The following DLG2 variants were observed in gnomAD, a reference collection of about 807,000 sequenced individuals.
The protein encoded by DLG2 is discs large MAGUK scaffold protein 2, also known as disks large homolog 2.
In DLG2, 45 loss-of-function variants were observed where a neutral mutation model predicts 132.5. That is an observed-to-expected ratio of 0.34 (90% CI 0.27 to 0.44). The LOEUF (loss-of-function observed/expected upper bound fraction) is 0.44. DLG2 is among the 20% of genes least tolerant of loss of function. The pLI is 1.00. For synonymous variants in DLG2, 424 were observed against 419.6 expected, an observed-to-expected ratio of 1.01 and a Z score of -0.13; for missense variants, 1,045 against 1,196.9, an observed-to-expected ratio of 0.87 and a Z score of 1.87.
chr11:84,135,662 G>A (rs1356578287), intron 9 of DLG2, among the ~76,000 whole-genome samples: 4 of 152,194 alleles, frequency 2.6e-5, no homozygotes, highest in Middle Eastern at 3.4e-3. Context: ...AAAATTCCAC[G>A]TCATGCCGTG....
intron 6 of DLG2, among the ~76,000 whole-genome samples, chr11:84,671,045 G>A (rs958465072): frequency 2.0e-5 from 3 of 151,842 alleles, no homozygotes; most frequent in Non-Finnish European, 4.4e-5. Context: ...GGTTACATCC[G>A]GCAGCCTTGT....
At position 83,868,389 on chromosome 11, in the gene DLG2, C is replaced by T. The variant is rs115770643; in HGVS notation, c.1565+6031G>A. The stretch of plus-strand genomic sequence containing the variant: ...TTGGGGGGAGCAGTTTGATTTCTTC[C>T]GATCATTTCTAAAAATCAAATGGGT... On this transcript the variant is annotated intron_variant, in intron 16 of 27. Transcript: ENST00000376104. 2.1e-3 allele frequency among the ~76,000 whole-genome samples: 320 copies of T among 152,114 alleles called. 3 individuals are homozygous for T. Among genetic ancestry groups the T allele is most frequent in the African/African-American group, 7.1e-3 (293 of 41,488 alleles).
intron 14 of DLG2, among the ~76,000 whole-genome samples, chr11:83,962,538 G>T (rs1341441140): frequency 6.6e-6 from 1 of 152,002 alleles, no homozygotes; most frequent in Non-Finnish European, 1.5e-5. Context: ...ATATTGGCAT[G>T]CTACTTCCTT....
At chr11:85,407,584 T>G (rs920075332) in intron 3 of DLG2, among the ~76,000 whole-genome samples, 6 of 151,840 alleles carry the variant, frequency 4.0e-5, no homozygotes, top group Non-Finnish European at 1.5e-5. Flanking sequence ...AATTTGCTTA[T>G]TAGGGAAGAA....
In DLG2 at chr11:84,418,646, T is replaced by G. The variant is rs563056401; in HGVS notation, c.519+115924A>C. Reference sequence around the variant, plus strand: ...TCTACCTTCTGTTCATGCAATTAGGTGCTGCTACCTCCTTACTACAGCATG... The same window carrying G: ...TCTACCTTCTGTTCATGCAATTAGGGGCTGCTACCTCCTTACTACAGCATG... On this transcript the variant is annotated intron_variant, in intron 7 of 27. Transcript: ENST00000376104. Among the ~76,000 whole-genome samples, 5 of 152,298 alleles carry G rather than the reference T, an allele frequency of 3.3e-5. No homozygotes were observed. The South Asian group carries it at 8.3e-4, about 25-fold the overall frequency.
intron 17 of DLG2, 29 bp from the exon 18 acceptor site, chr11:83,786,821 G>A: frequency 2.5e-6 from 4 of 1,603,130 alleles, no homozygotes; most frequent in Non-Finnish European, 3.4e-6. Flanking sequence ...GAGAATCTTG[G>A]TATTTCATAA....
intron 7 of DLG2, among the ~76,000 whole-genome samples, chr11:84,313,709 A>C (rs1440108710): frequency 7.0e-6 from 1 of 143,478 alleles, no homozygotes; most frequent in Non-Finnish European, 1.6e-5. Flanking sequence ...ATACGAAAGG[A>C]AAGGAAGAAA....
At chr11:83,653,746 G>A (rs1157219190) in intron 18 of DLG2, among the ~76,000 whole-genome samples, 4 of 151,708 alleles carry the variant, frequency 2.6e-5, no homozygotes, top group Admixed American at 6.6e-5. Context: ...TTTTTTAGAT[G>A]GAGTCTTGCT....
intron 7 of DLG2, among the ~76,000 whole-genome samples, chr11:84,416,274 G>C (rs1346563147): frequency 2.0e-5 from 3 of 152,158 alleles, no homozygotes; most frequent in Non-Finnish European, 4.4e-5. Flanking sequence ...TGCTTCTTAA[G>C]AATTTCCCCA....
intron 6 of DLG2, among the ~76,000 whole-genome samples, chr11:85,071,654 T>C (rs1160111724): frequency 6.6e-6 from 1 of 151,776 alleles, no homozygotes; most frequent in Non-Finnish European, 1.5e-5. Context: ...AGAATTTATA[T>C]GTTTCCACTA....
chr11:85,194,104 T>C (rs895568884), intron 4 of DLG2, among the ~76,000 whole-genome samples: 3 of 152,206 alleles, frequency 2.0e-5, no homozygotes, highest in Admixed American at 6.5e-5. Context: ...AGAGGAGTGT[T>C]TAACATGGGC....
intron 18 of DLG2, among the ~76,000 whole-genome samples, chr11:83,635,497 C>T (rs886961470): frequency 2.0e-5 from 3 of 152,030 alleles, no homozygotes; most frequent in Non-Finnish European, 2.9e-5. Context: ...GTCTCTTCTG[C>T]CTTCCCTTAC....
At chr11:84,064,707 G>GA (rs1368867261) in intron 10 of DLG2, among the ~76,000 whole-genome samples, 2 of 152,032 alleles carry the variant, frequency 1.3e-5, no homozygotes, top group African/African-American at 4.8e-5. Flanking sequence ...TATAGTGAGG[G>GA]AAAAATACTA....
intron 18 of DLG2, among the ~76,000 whole-genome samples, chr11:83,761,199 C>T (rs1269515266): frequency 6.6e-6 from 1 of 152,136 alleles, no homozygotes; most frequent in African/African-American, 2.4e-5. Flanking sequence ...TTGCTGGATT[C>T]CTCACTGCAG....
chr11:85,455,287 T>C (rs1316944231), intron 3 of DLG2, among the ~76,000 whole-genome samples: 1 of 152,192 alleles, frequency 6.6e-6, no homozygotes, highest in Non-Finnish European at 1.5e-5. Context: ...TTCTGGCAAT[T>C]GTAAACGGGA....
At chr11:85,345,532 A>T (rs2082773878) in intron 3 of DLG2, among the ~76,000 whole-genome samples, 1 of 152,140 alleles carries the variant, frequency 6.6e-6, no homozygotes, top group African/African-American at 2.4e-5. Context: ...AATTTGCATG[A>T]TATCACACAC....
At chr11:85,497,566 A>G (rs2093695845) in intron 3 of DLG2, among the ~76,000 whole-genome samples, 1 of 152,188 alleles carries the variant, frequency 6.6e-6, no homozygotes, top group African/African-American at 2.4e-5. Flanking sequence ...CAAATTCAGG[A>G]AATACAGAGA....
intron 3 of DLG2, among the ~76,000 whole-genome samples, chr11:85,344,629 A>G (rs904323602): frequency 2.0e-5 from 3 of 152,276 alleles, no homozygotes; most frequent in East Asian, 3.9e-4. Context: ...TATTCTAATA[A>G]GACACTATAC....
chr11:84,651,644 C>T (rs1285923843), intron 6 of DLG2, among the ~76,000 whole-genome samples: 3 of 152,120 alleles, frequency 2.0e-5, no homozygotes, highest in African/African-American at 7.2e-5. Flanking sequence ...CAGACTATGG[C>T]TTTTGAATTA....
Sources: gnomAD v4.1 joint callset for allele counts (sites outside exome capture counted in the v4.1 genomes callset) on GRCh38, gnomAD v4.1.1 for gene constraint, MANE v1.5 for transcripts, NCBI Gene and HGNC (gene_info 2026-07-23, HGNC 2026-07-21) for gene names.